The following KCNN2 variants were observed in gnomAD, a reference collection of about 807,000 sequenced individuals.
The protein encoded by KCNN2 is potassium calcium-activated channel subfamily N member 2.
Under a neutral mutation model 55.5 loss-of-function variants are expected in KCNN2, and 24 were observed. That is an observed-to-expected ratio of 0.43 (90% CI 0.31 to 0.61). The LOEUF is 0.61. KCNN2 is among the 20% of genes least tolerant of loss of function. The pLI, the probability that KCNN2 is intolerant of heterozygous loss-of-function variation, is 0.08. For synonymous variants in KCNN2, 431 were observed against 336.1 expected (o/e 1.28, Z -3.09); for missense variants, 754 against 853.6 (o/e 0.88, Z 1.45).
intron 1 of KCNN2, among the ~76,000 whole-genome samples, chr5:114,064,104 G>A (rs921566639): frequency 1.3e-5 from 2 of 152,186 alleles, no homozygotes; most frequent in Non-Finnish European, 2.9e-5. Flanking sequence ...TAATTGGCTT[G>A]GGGAGTGGCC....
intron 2 of KCNN2, among the ~76,000 whole-genome samples, chr5:114,285,663 A>T (rs1755729512): frequency 6.6e-6 from 1 of 152,130 alleles, no homozygotes; most frequent in Non-Finnish European, 1.5e-5. Flanking sequence ...ATTTGATGTG[A>T]ATATACATTG....
intron 1 of KCNN2, among the ~76,000 whole-genome samples, chr5:114,117,868 C>G (rs527988279): frequency 2.0e-5 from 3 of 152,158 alleles, no homozygotes; most frequent in African/African-American, 7.2e-5. Context: ...GAGCTGTACC[C>G]TCTCCTTCAT....
At chr5:114,124,110 T>G (rs2112601259) in intron 1 of KCNN2, among the ~76,000 whole-genome samples, 1 of 152,312 alleles carries the variant, frequency 6.6e-6, no homozygotes, top group South Asian at 2.1e-4. Flanking sequence ...ATTCTTCCAT[T>G]TTCTGCTAGT....
chr5:114,332,825 T>G (rs546160820), intron 2 of KCNN2, among the ~76,000 whole-genome samples: 2 of 152,328 alleles, frequency 1.3e-5, no homozygotes, highest in African/African-American at 2.4e-5. Context: ...AGAACCATTC[T>G]TTCCTAACTT....
At chr5:114,102,651 A>G (rs768196624) in intron 1 of KCNN2, among the ~76,000 whole-genome samples, 9 of 152,206 alleles carry the variant, frequency 5.9e-5, no homozygotes, top group Admixed American at 5.9e-4. Flanking sequence ...AGTTTTCTGC[A>G]TATGGCCATC....
intron 2 of KCNN2, among the ~76,000 whole-genome samples, chr5:114,285,389 C>T (rs1755722133): frequency 6.6e-6 from 1 of 151,022 alleles, no homozygotes; most frequent in Admixed American, 6.6e-5. Context: ...AGAATGAGTG[C>T]AGTCTGTGAG....
chr5:114,292,101 AGATGAGTAGATTGCAAAAATTTTCTCC>A (rs1298920544), intron 2 of KCNN2, among the ~76,000 whole-genome samples: 2 of 152,228 alleles, frequency 1.3e-5, no homozygotes. Context: ...GCCCTTTGTC[AGATGAGTAGATTGCAAAAATTTTCTCC>A]CATTCTGTAG....
chr5:114,247,619 C>G (rs927592191), intron 2 of KCNN2, among the ~76,000 whole-genome samples: 1 of 152,138 alleles, frequency 6.6e-6, no homozygotes, highest in African/African-American at 2.4e-5. Context: ...GTTAACTTGC[C>G]TAATGTTTTT....
chr5:114,474,139 A>C (rs1474175077), intron 5 of KCNN2, among the ~76,000 whole-genome samples: 2 of 152,234 alleles, frequency 1.3e-5, no homozygotes, highest in Non-Finnish European at 2.9e-5. Context: ...TCCAACTTCC[A>C]GTAGTGTTTT....
intron 1 of KCNN2, among the ~76,000 whole-genome samples, chr5:114,102,193 G>T (rs1229363200): frequency 6.6e-6 from 1 of 151,998 alleles, no homozygotes; most frequent in Non-Finnish European, 1.5e-5. Context: ...GTGATGATGA[G>T]CTTTTTTTCA....
At chr5:114,181,939 G>A (rs147792678) in intron 1 of KCNN2, among the ~76,000 whole-genome samples, 28 of 152,278 alleles carry the variant, frequency 1.8e-4, no homozygotes, top group Admixed American at 9.2e-4. Context: ...ACTTGAACCC[G>A]GGAGGTGGAG....
intron 1 of KCNN2, among the ~76,000 whole-genome samples, chr5:114,088,451 T>A (rs1751062959): frequency 6.6e-6 from 1 of 152,062 alleles, no homozygotes; most frequent in South Asian, 2.1e-4. Context: ...GTTACAGCTG[T>A]GTTAGAAATC....
intron 3 of KCNN2, among the ~76,000 whole-genome samples, chr5:114,441,352 G>T (rs992982145): frequency 6.6e-6 from 1 of 152,174 alleles, no homozygotes; most frequent in African/African-American, 2.4e-5. Context: ...ATTAAACCCT[G>T]TAGCCAATAA....
chr5:114,192,105 A>G (rs979443349), intron 1 of KCNN2, among the ~76,000 whole-genome samples: 2 of 152,194 alleles, frequency 1.3e-5, no homozygotes, highest in African/African-American at 2.4e-5. Context: ...TTTTTAGGAC[A>G]TTGTTCTAAT....
In KCNN2 at chr5:114,223,564, A is replaced by C. The variant is rs1437427959; in HGVS notation, c.-185+1999A>C. 6.6e-5 allele frequency among the ~76,000 whole-genome samples: 10 copies of C among 152,266 alleles called. No homozygotes were observed. The East Asian group carries it at 1.4e-3, about 21-fold the overall frequency. ...ACAGCCAAAATAGACAGGGAAGTGT[A>C]TTTTTCAGAGTCCAGTTAGGCGATA... On this transcript the variant is annotated intron_variant, in intron 2 of 10. Coordinates refer to the KCNN2 transcript ENST00000512097.
At chr5:114,106,643 G>GTTTTTT (rs149036166) in intron 1 of KCNN2, among the ~76,000 whole-genome samples, 50 of 69,920 alleles carry the variant, frequency 7.2e-4, no homozygotes, top group African/African-American at 2.2e-3. Context: ...TTTTCCAGTT[G>GTTTTTT]TTTTTTTTTT....
chr5:114,159,885 C>T (rs1234845711), intron 1 of KCNN2, among the ~76,000 whole-genome samples: 3 of 151,962 alleles, frequency 2.0e-5, no homozygotes, highest in African/African-American at 7.3e-5. Flanking sequence ...CTATTTGATT[C>T]TTCTCTCTTT....
At chr5:114,263,147 G>T (rs758690398) in intron 2 of KCNN2, among the ~76,000 whole-genome samples, 2 of 151,968 alleles carry the variant, frequency 1.3e-5, no homozygotes, top group African/African-American at 4.8e-5. Flanking sequence ...CTCTTGGTGA[G>T]CATGTTGGCA....
At chr5:114,134,225 T>A (rs974550131) in intron 1 of KCNN2, among the ~76,000 whole-genome samples, 4 of 151,336 alleles carry the variant, frequency 2.6e-5, no homozygotes, top group Non-Finnish European at 4.4e-5. Context: ...ATTTTTTAAA[T>A]TACCATCTAG....
Sources: gnomAD v4.1 joint callset for allele counts (sites outside exome capture counted in the v4.1 genomes callset) on GRCh38, gnomAD v4.1.1 for gene constraint, MANE v1.5 for transcripts, NCBI Gene and HGNC (gene_info 2026-07-23, HGNC 2026-07-21) for gene names.